BABAM2: variants seen among roughly 807,000 people sequenced by gnomAD.
The protein encoded by BABAM2 is BRISC and BRCA1-A complex member 2.
In BABAM2, 31 loss-of-function variants were observed where a neutral mutation model predicts 54.7. The observed-to-expected ratio is 0.57, with a 90% CI of 0.43 to 0.77. The LOEUF (loss-of-function observed/expected upper bound fraction) is 0.77. Among genes scored for constraint, BABAM2 ranks in the 30% least tolerant of loss-of-function variants. BABAM2 has a pLI of 0.00. For missense variants in BABAM2, 364 were observed against 455.8 expected (o/e 0.80, Z 1.83); for synonymous variants, 167 against 162.9 (o/e 1.03, Z -0.19).
intron 7 of BABAM2, among the ~76,000 whole-genome samples, chr2:28,202,985 CT>C (rs1395615551): frequency 2.6e-5 from 4 of 152,128 alleles, no homozygotes; most frequent in Non-Finnish European, 5.9e-5. Flanking sequence ...GAATGCTTTC[CT>C]ATTGATGAAT....
chr2:28,127,476 A>C (rs993053690), intron 6 of BABAM2, among the ~76,000 whole-genome samples: 1 of 148,508 alleles, frequency 6.7e-6, no homozygotes, highest in East Asian at 2.0e-4. Flanking sequence ...GTGTGTAGAT[A>C]TCTCTTCCAA....
intron 2 of BABAM2, among the ~76,000 whole-genome samples, chr2:27,923,608 A>G (rs1010519227): frequency 2.6e-5 from 4 of 152,202 alleles, no homozygotes; most frequent in African/African-American, 9.6e-5. Flanking sequence ...CTAGAGCAAG[A>G]CACTGTCTCC....
rs115319368 is a variant in BABAM2, at chr2:28,191,651, A to G, written c.681-45551A>G. On this transcript the variant is annotated intron_variant, in intron 7 of 11. Coordinates refer to ENST00000379624, the MANE Select transcript of BABAM2 (RefSeq NM_199191.3). ...AAAGAAGCCAGGCAAAGAAGAGTAC[A>G]TGCTGCATGATGTACTATTTATATA... Among the ~76,000 whole-genome samples the G allele has an allele frequency of 6.1e-3, 923 of 152,362 alleles. 6 individuals are homozygous for G. The highest frequency in any genetic ancestry group is 9.6e-3 in the Non-Finnish European group (656 of 68,040).
chr2:28,210,242 A>G (rs1049296448), intron 7 of BABAM2, among the ~76,000 whole-genome samples: 15 of 152,176 alleles, frequency 9.9e-5, no homozygotes, highest in Admixed American at 4.6e-4. Context: ...TTCAGTACCT[A>G]TTATGTGCCT....
Position 27,918,503 on chromosome 2 carries a change from T to C in BABAM2, c.129-11329T>C, listed in dbSNP as rs115221103. 5.2e-3 allele frequency among the ~76,000 whole-genome samples: 787 copies of C among 152,238 alleles called. 6 individuals carry two copies. Among genetic ancestry groups the C allele is most frequent in the African/African-American group, 0.018 (741 of 41,516 alleles). Reference sequence around the variant, plus strand: ...TATTGTATATATATATAATGTATAGTACTACATTTTGTTTATCCATTCATC... The same window carrying C: ...TATTGTATATATATATAATGTATAGCACTACATTTTGTTTATCCATTCATC... On this transcript the variant is annotated intron_variant, in intron 2 of 11. Transcript: ENST00000379624.
At chr2:28,226,464 A>G (rs182879101) in intron 7 of BABAM2, among the ~76,000 whole-genome samples, 1 of 152,336 alleles carries the variant, frequency 6.6e-6, no homozygotes, top group African/African-American at 2.4e-5. Flanking sequence ...TGCTAAGAAT[A>G]ATGAGGTTAT....
At chr2:28,328,204 G>A (rs1016522616) in intron 11 of BABAM2, among the ~76,000 whole-genome samples, 2 of 152,154 alleles carry the variant, frequency 1.3e-5, no homozygotes, top group Non-Finnish European at 1.5e-5. Flanking sequence ...ATTTACAGTG[G>A]CGGTTCAGGA....
chr2:28,320,491 A>G (rs1689938763), intron 11 of BABAM2, among the ~76,000 whole-genome samples: 1 of 152,266 alleles, frequency 6.6e-6, no homozygotes, highest in African/African-American at 2.4e-5. Context: ...ATCTGTGCAC[A>G]TCAGGGCAGG....
At chr2:28,022,327 A>G (rs1675331249) in intron 4 of BABAM2, among the ~76,000 whole-genome samples, 1 of 152,220 alleles carries the variant, frequency 6.6e-6, no homozygotes, top group Non-Finnish European at 1.5e-5. Flanking sequence ...AACTGATTGG[A>G]GGAAGAGTAG....
At chr2:28,259,322 A>C (rs900790311) in intron 10 of BABAM2, among the ~76,000 whole-genome samples, 7 of 151,790 alleles carry the variant, frequency 4.6e-5, no homozygotes, top group African/African-American at 1.7e-4. Context: ...TCCTGACCTC[A>C]TAATCCACCC....
rs1282603746 is a variant in BABAM2 at position 27,995,107 on chromosome 2, G to T, written c.300+7020G>T. ...TCACAGCTGAGATTCCTACCTCCTT[G>T]TTGGAGAGGGTGTGGCTGCAGGCTA... On this transcript the variant is annotated intron_variant, in intron 4 of 11. Transcript: ENST00000379624. The surrounding 1 kb of genome is among the most constrained non-coding windows in gnomAD (Gnocchi z 4.1). Among the ~76,000 whole-genome samples, 1 of 152,144 alleles carries T rather than the reference G, an allele frequency of 6.6e-6. No individual in the cohort carries two copies. Among genetic ancestry groups the T allele is most frequent in the Non-Finnish European group, 1.5e-5 (1 of 68,032 alleles).
intron 2 of BABAM2, 114 bp from the exon 3 acceptor site, chr2:27,929,718 G>A: frequency 2.2e-6 from 2 of 913,674 alleles, no homozygotes; most frequent in Non-Finnish European, 3.3e-6. Flanking sequence ...GTAAGCCAGT[G>A]TTTTAATCTG....
chr2:28,202,758 T>C (rs187338335), intron 7 of BABAM2, among the ~76,000 whole-genome samples: 467 of 152,292 alleles, frequency 3.1e-3, no homozygotes, highest in African/African-American at 0.011. Context: ...ATCCTTTCTT[T>C]AGACTTAAAA....
At chr2:27,974,009 T>C (rs1020569059) in intron 3 of BABAM2, among the ~76,000 whole-genome samples, 18 of 152,162 alleles carry the variant, frequency 1.2e-4, no homozygotes, top group Admixed American at 1.2e-3. Context: ...AAATAGATTA[T>C]CTGATTAATC....
chr2:28,052,881 G>T (rs371378379), intron 6 of BABAM2, among the ~76,000 whole-genome samples: 1 of 152,314 alleles, frequency 6.6e-6, no homozygotes, highest in African/African-American at 2.4e-5. Context: ...AGGAACAGGG[G>T]AGGATTTTGC....
intron 10 of BABAM2, among the ~76,000 whole-genome samples, chr2:28,268,665 G>C (rs1302405084): frequency 6.6e-6 from 1 of 152,222 alleles, no homozygotes; most frequent in Non-Finnish European, 1.5e-5. Flanking sequence ...TTTTCCTAAT[G>C]CTGTGGAGTT....
chr2:28,257,155 A>G (rs1290072149), intron 10 of BABAM2, among the ~76,000 whole-genome samples: 1 of 152,180 alleles, frequency 6.6e-6, no homozygotes, highest in Non-Finnish European at 1.5e-5. Flanking sequence ...GCAACTGCAC[A>G]GATTCAGCTT....
intron 5 of BABAM2, among the ~76,000 whole-genome samples, chr2:28,036,885 C>T (rs1676704130): frequency 1.3e-5 from 2 of 152,142 alleles, no homozygotes; most frequent in African/African-American, 4.8e-5. Flanking sequence ...GTTTAATTGC[C>T]AGTCTAGTCA....
chr2:28,237,199 C>G lies in BABAM2; in HGVS notation c.681-3C>G. The G allele has an allele frequency of 6.2e-7, 1 of 1,611,926 alleles. No homozygotes were observed. The stretch of plus-strand genomic sequence containing the variant: ...AGTGTCCATTGTACTCTTGTCCTTT[C>G]AGTGCACTTGGAGGCTCCTCAGCTC... On this transcript the variant is annotated splice_region_variant and splice_polypyrimidine_tract_variant and intron_variant, in intron 7 of 11. Coordinates refer to ENST00000379624, the MANE Select transcript of BABAM2 (RefSeq NM_199191.3).
Sources: allele counts gnomAD v4.1 joint callset (sites outside exome capture counted in the v4.1 genomes callset), GRCh38; gene constraint gnomAD v4.1.1; non-coding constraint Gnocchi (gnomAD v3.1); transcripts MANE v1.5; gene names NCBI Gene and HGNC (gene_info 2026-07-23, HGNC 2026-07-21).